Variants in CNOT9 observed in about 807,000 individuals in gnomAD.
CNOT9 encodes the protein CCR4-NOT transcription complex subunit 9, also known as RCD1 required for cell differentiation1 homolog.
CNOT9 carries 8 observed loss-of-function variants against 37.4 expected under a neutral mutation model. The observed-to-expected ratio is 0.21, with a 90% CI of 0.13 to 0.39. The LOEUF is 0.39. CNOT9 is among the 10% of genes least tolerant of loss of function. The pLI is 1.00. For missense variants in CNOT9, 154 were observed against 365.3 expected (o/e 0.42, Z 4.71); for synonymous variants, 120 against 137.6 (o/e 0.87, Z 0.90).
chr2:218,580,954 C>T (rs1694351095), intron 2 of CNOT9: 2 of 641,998 alleles, frequency 3.1e-6, no homozygotes, highest in Admixed American at 2.1e-5. Context: ...TGAGGTGGGC[C>T]CTATAATCTA....
chr2:218,584,516 T>A (rs1053191585), intron 3 of CNOT9, 96 bp from the exon 4 acceptor site: 1 of 853,516 alleles, frequency 1.2e-6, no homozygotes, highest in Non-Finnish European at 2.0e-6. Flanking sequence ...TCTGACAATG[T>A]TAAGGCCTTA....
At chr2:218,590,900 A>T (rs1694751704) in intron 5 of CNOT9, among the ~76,000 whole-genome samples, 1 of 151,952 alleles carries the variant, frequency 6.6e-6, no homozygotes, top group Non-Finnish European at 1.5e-5. Context: ...ATCATAACTC[A>T]CTGCATCCTT....
chr2:218,571,536 T>A (rs532669614), intron 1 of CNOT9, among the ~76,000 whole-genome samples: 1 of 152,060 alleles, frequency 6.6e-6, no homozygotes, highest in South Asian at 2.1e-4. Flanking sequence ...TGAGTAGTCG[T>A]ATGCTAGAAA....
chr2:218,594,168 G>T lies in CNOT9; in HGVS notation c.792G>T (p.Gln264His). ...AGCTGAAAGACACAACCTTCGCCCA[G>T]GTGCTAAAAGATGACACCACCACGA... ...PDQLKDTTFA[Q>H]VLKDDTTTKR... The change falls in exon 8 of 8, where the codon CAG becomes CAT. Residue 264 changes from glutamine to histidine, a missense_variant. By Grantham distance (24) the Gln-to-His change is conservative. This residue lies in a region of CNOT9 where 117 missense variants were observed against 325.4 expected (regional missense o/e 0.36). Transcript: ENST00000273064. 1 of 1,614,214 alleles carries T rather than the reference G, an allele frequency of 6.2e-7. No individual in the cohort carries two copies. The highest frequency in any genetic ancestry group is 8.5e-7 in the Non-Finnish European group (1 of 1,180,032).
intron 1 of CNOT9, 131 bp downstream of exon 1, chr2:218,569,109 T>G: frequency 1.0e-6 from 1 of 961,058 alleles, no homozygotes; most frequent in Non-Finnish European, 1.6e-6. Flanking sequence ...AGGCCCCGGT[T>G]CCCCTCCTCG....
At position 218,580,624 on chromosome 2, in the gene CNOT9, T is replaced by G; in HGVS notation, c.88T>G (p.Ser30Ala). The G allele has an allele frequency of 6.2e-7, 1 of 1,614,024 alleles. No individual in the cohort carries two copies. The highest frequency in any genetic ancestry group is 8.5e-7 in the Non-Finnish European group (1 of 1,179,890). Reference sequence around the variant, plus strand: ...GATCTATCAGTGGATCAATGAGCTGTCCAGTCCTGAGACTAGGGAAAATGC... The same window carrying G: ...GATCTATCAGTGGATCAATGAGCTGGCCAGTCCTGAGACTAGGGAAAATGC... ...EKIYQWINELSSPETRENALL... is the reference protein window; with the variant it reads ...EKIYQWINELASPETRENALL... Residue 30 changes from serine (S) to alanine (A), a missense_variant, in exon 2 of 8, where the codon TCC becomes GCC. Transcript: ENST00000273064.
chr2:218,580,030 G>A (rs1163784730), intron 1 of CNOT9, among the ~76,000 whole-genome samples: 4 of 149,320 alleles, frequency 2.7e-5, no homozygotes, highest in Non-Finnish European at 3.0e-5. Context: ...GTGCAGTGGC[G>A]CTATCTCGGG....
chr2:218,582,360 A>G (rs1248099935), intron 2 of CNOT9, among the ~76,000 whole-genome samples: 1 of 152,196 alleles, frequency 6.6e-6, no homozygotes, highest in Non-Finnish European at 1.5e-5. Context: ...GCTGGAGAAT[A>G]TAAGAGGAAG....
In CNOT9 at chr2:218,571,550, TTAGTG is replaced by T. The variant is rs1200268626; in HGVS notation, c.24+2577_24+2581del. On this transcript the variant is annotated intron_variant, in intron 1 of 7. Coordinates refer to ENST00000273064, the MANE Select transcript of CNOT9 (RefSeq NM_005444.3). ...TTGAGTAGTCGTATGCTAGAAATGT[TTAGTG>T]TAGTAGGCTTTTGTGATTCTTTTTT... is the stretch of plus-strand genomic sequence containing the variant. Among the ~76,000 whole-genome samples the T allele has an allele frequency of 4.6e-5, 7 of 151,732 alleles. No individual in the cohort carries two copies. In the East Asian group the frequency reaches 5.9e-4, roughly 13 times the overall value.
At chr2:218,590,172 A>G (rs1231581326) in intron 5 of CNOT9, among the ~76,000 whole-genome samples, 2 of 151,956 alleles carry the variant, frequency 1.3e-5, no homozygotes, top group African/African-American at 4.8e-5. Flanking sequence ...GGTTCAAGCA[A>G]TTCTCATGCC....
chr2:218,580,128 C>A (rs1694321876), intron 1 of CNOT9, among the ~76,000 whole-genome samples: 1 of 152,020 alleles, frequency 6.6e-6, no homozygotes, highest in African/African-American at 2.4e-5. Flanking sequence ...ATCACCACAC[C>A]CAGCTAAATT....
intron 7 of CNOT9, chr2:218,593,825 A>G: frequency 8.1e-7 from 1 of 1,238,664 alleles, no homozygotes; most frequent in Non-Finnish European, 1.0e-6. Flanking sequence ...TATTTAATAA[A>G]TCAGAAAGCT....
chr2:218,591,709 C>A, intron 5 of CNOT9, among the ~76,000 whole-genome samples: 1 of 150,846 alleles, frequency 6.6e-6, no homozygotes, highest in Non-Finnish European at 1.5e-5. Flanking sequence ...AGCCACTGCA[C>A]TCCAGTCTGG....
At position 218,592,470 on chromosome 2, in the gene CNOT9, C is replaced by T. The variant is rs1270115973; in HGVS notation, c.639+68C>T. 4.7e-6 allele frequency: 7 copies of T among 1,477,286 alleles called. No individual in the cohort carries two copies. The African/African-American group carries it at 8.3e-5, about 18-fold the overall frequency. 91.5% of individuals were successfully genotyped at this position (1,477,286 alleles called of 1,614,324 possible). A position where few individuals can be genotyped will look rare whatever the true frequency, so the allele number is the denominator to read the frequency against. Reference sequence around the variant, plus strand: ...CAAAGCTTAATCTCTTTATAACTGGCATTGAACAACTTCAGTCCTCTGACT... The same window carrying T: ...CAAAGCTTAATCTCTTTATAACTGGTATTGAACAACTTCAGTCCTCTGACT... On this transcript the variant is annotated intron_variant, in intron 6 of 7. Transcript: ENST00000273064. The surrounding 1 kb of genome is among the most constrained non-coding windows in gnomAD (Gnocchi z 4.1).
rs139770779 is a variant in CNOT9 at position 218,569,736 on chromosome 2, A to C, written c.24+758A>C. Reference sequence around the variant, plus strand: ...ACGCGCTTATTTTTCTCCAAGATGCACTTTGTGGTCTCTATGCCTGGAGTG... The same window carrying C: ...ACGCGCTTATTTTTCTCCAAGATGCCCTTTGTGGTCTCTATGCCTGGAGTG... On this transcript the variant is annotated intron_variant, in intron 1 of 7. Transcript: ENST00000273064. 1.0e-3 allele frequency among the ~76,000 whole-genome samples: 158 copies of C among 152,256 alleles called. 1 individual carries two copies. Among genetic ancestry groups the C allele is most frequent in the African/African-American group, 3.5e-3 (147 of 41,546 alleles).
At position 218,568,968 on chromosome 2, in the gene CNOT9, C is replaced by G. The variant is rs758572192; in HGVS notation, c.14C>G (p.Ala5Gly). 1.2e-6 allele frequency: 2 copies of G among 1,610,634 alleles called. No individual in the cohort carries two copies. Among genetic ancestry groups the G allele is most frequent in the Non-Finnish European group, 1.7e-6 (2 of 1,178,598 alleles). Residue 5 changes from alanine (A) to glycine (G), a missense_variant, in exon 1 of 8, where the codon GCG becomes GGG. Ala to Gly is a moderately conservative substitution (Grantham distance 60). This residue lies in a region of CNOT9 where 37 missense variants were observed against 39.9 expected (regional missense o/e 0.93). Transcript: ENST00000273064. ...GCCGCTCACAACATGCACAGCCTGG[C>G]GACGGCTGCGGTGAGTGGCTGGGCC... MHSL[A>G]TAAPVPTTLA...
At chr2:218,582,057 G>A (rs1361587024) in intron 2 of CNOT9, among the ~76,000 whole-genome samples, 1 of 151,520 alleles carries the variant, frequency 6.6e-6, no homozygotes, top group African/African-American at 2.4e-5. Context: ...ACTCTGCCTG[G>A]ATGACAGAGT....
At chr2:218,583,256 TCTCTCTCTC>T (rs1559247533) in intron 3 of CNOT9, among the ~76,000 whole-genome samples, 170 bp downstream of exon 3, 110 of 38,514 alleles carry the variant, frequency 2.9e-3, no homozygotes, top group African/African-American at 8.8e-3. Context: ...TCTCTCTCTC[TCTCTCTCTC>T]TCTCTCTCTC....
At chr2:218,569,062 G>T in intron 1 of CNOT9, 84 bp downstream of exon 1, 1 of 1,485,382 alleles carries the variant, frequency 6.7e-7, no homozygotes, top group Non-Finnish European at 9.3e-7. Flanking sequence ...CCCGGTGTCG[G>T]GTCCCTAGTC....
Sources: allele counts gnomAD v4.1 joint callset (sites outside exome capture counted in the v4.1 genomes callset), GRCh38; gene constraint gnomAD v4.1.1; regional missense constraint gnomAD v4.1.1; non-coding constraint Gnocchi (gnomAD v3.1); transcripts MANE v1.5; gene names NCBI Gene and HGNC (gene_info 2026-07-23, HGNC 2026-07-21).